CENPP: variants seen among roughly 807,000 people sequenced by gnomAD.
CENPP encodes the protein centromere protein P.
A neutral mutation model predicts 35.6 loss-of-function variants in CENPP; 24 were observed. The ratio of observed to expected loss-of-function variants is 0.67; its 90% CI spans 0.49 to 0.95. The LOEUF is 0.95. Ranked by LOEUF, CENPP falls within the 40% of genes least tolerant of loss-of-function variation. The probability of loss-of-function intolerance (pLI) is 0.00; values close to 1 mark genes in which losing one functional copy is unlikely to be tolerated. For missense variants in CENPP, 332 were observed against 345.3 expected (o/e 0.96, Z 0.31); for synonymous variants, 120 against 125.5 (o/e 0.96, Z 0.29).
intron 5 of CENPP, among the ~76,000 whole-genome samples, chr9:92,580,390 C>T (rs1487891098): frequency 6.6e-6 from 1 of 152,134 alleles, no homozygotes; most frequent in African/African-American, 2.4e-5. Flanking sequence ...CCAGTTCCTC[C>T]TTGTAGCTCT....
chr9:92,429,102 ACTGT>A (rs1844039699), intron 5 of CENPP, among the ~76,000 whole-genome samples: 1 of 152,112 alleles, frequency 6.6e-6, no homozygotes, highest in South Asian at 2.1e-4. Flanking sequence ...ATGTCCCCAA[ACTGT>A]CTGTCAATAG....
intron 5 of CENPP, among the ~76,000 whole-genome samples, chr9:92,430,127 T>C (rs1844067641): frequency 2.0e-5 from 3 of 152,210 alleles, no homozygotes; most frequent in African/African-American, 4.8e-5. Flanking sequence ...AATCTTTTAA[T>C]GATCTGGTGG....
intron 5 of CENPP, among the ~76,000 whole-genome samples, chr9:92,401,985 G>A (rs1843134429): frequency 6.6e-6 from 1 of 152,010 alleles, no homozygotes; most frequent in South Asian, 2.1e-4. Context: ...TCTACTCTGT[G>A]TTTGCACATC....
In CENPP at chr9:92,615,051, C is replaced by A. The variant is rs1280563221; in HGVS notation, c.*1902C>A. 1 of 152,306 alleles carries A rather than the reference C, an allele frequency of 6.6e-6. No individual in the cohort carries two copies. The highest frequency in any genetic ancestry group is 2.4e-5 in the African/African-American group (1 of 41,440). The allele number at this position is 152,306 out of a possible 1,614,324, so 9.4% of individuals were successfully genotyped here. ...GGCACACTGCCCAGCCCGGCCACAGCAGCTCAGCCAGTCACAGCTCCACCT... is the reference window on the plus strand; with the variant it reads ...GGCACACTGCCCAGCCCGGCCACAGAAGCTCAGCCAGTCACAGCTCCACCT... On this transcript the variant is annotated 3_prime_UTR_variant, in exon 8 of 8. Transcript: ENST00000375587.
chr9:92,416,555 T>A, intron 5 of CENPP: 1 of 1,061,048 alleles, frequency 9.4e-7, no homozygotes, highest in South Asian at 1.8e-5. Context: ...ATTGAATATT[T>A]TTTTCTTTAA....
intron 5 of CENPP, chr9:92,495,446 A>G: frequency 1.0e-6 from 1 of 985,300 alleles, no homozygotes; most frequent in Non-Finnish European, 1.2e-6. Context: ...TGCTATGACC[A>G]GTGGTGCAAA....
At chr9:92,327,400 T>C (rs1159853518) in intron 1 of CENPP, among the ~76,000 whole-genome samples, 9 of 151,874 alleles carry the variant, frequency 5.9e-5, no homozygotes, top group Non-Finnish European at 1.3e-4. Flanking sequence ...GGAGGAGGGG[T>C]TGGGGCAGGG....
chr9:92,466,518 T>G (rs1845319381), intron 5 of CENPP: 11 of 1,614,098 alleles, frequency 6.8e-6, no homozygotes, highest in Non-Finnish European at 9.3e-6. Flanking sequence ...TCTTTGTGGT[T>G]AGAAAGGCTT....
chr9:92,493,969 C>G, intron 5 of CENPP: 1 of 943,718 alleles, frequency 1.1e-6, no homozygotes, highest in Non-Finnish European at 1.6e-6. Flanking sequence ...TGAGGGTGGC[C>G]GTAGTCTCCT....
intron 3 of CENPP, among the ~76,000 whole-genome samples, chr9:92,344,162 C>T (rs570048804): frequency 6.6e-6 from 1 of 152,092 alleles, no homozygotes; most frequent in East Asian, 1.9e-4. Flanking sequence ...TATTTACCAA[C>T]TGGGGAGAAT....
intron 5 of CENPP, among the ~76,000 whole-genome samples, chr9:92,588,272 A>G (rs1303244946): frequency 5.3e-5 from 8 of 151,678 alleles, no homozygotes; most frequent in African/African-American, 1.9e-4. Context: ...TTTTTGAGAC[A>G]GAGTCTCGCT....
In CENPP at chr9:92,422,000, T is replaced by G. The variant is rs373753827; in HGVS notation, c.564+42141T>G. 2.1e-4 allele frequency among the ~76,000 whole-genome samples: 32 copies of G among 152,232 alleles called. No individual in the cohort carries two copies. The East Asian group carries it at 3.9e-3, about 18-fold the overall frequency. ...TACATTTTATACTCATTGATGATAT[T>G]TTATGTATAATTTTATAATATTTTA... On this transcript the variant is annotated intron_variant, in intron 5 of 7. Coordinates refer to ENST00000375587, the MANE Select transcript of CENPP (RefSeq NM_001012267.3).
At chr9:92,337,087 G>A (rs1247492406) in intron 2 of CENPP, among the ~76,000 whole-genome samples, 2 of 152,246 alleles carry the variant, frequency 1.3e-5, no homozygotes, top group East Asian at 1.9e-4. Flanking sequence ...GGAGGCCGAG[G>A]TGGGTGGATC....
chr9:92,565,673 G>A (rs773867113), intron 5 of CENPP, among the ~76,000 whole-genome samples: 13 of 152,152 alleles, frequency 8.5e-5, no homozygotes, highest in Non-Finnish European at 1.9e-4. Context: ...GGATGTAAAC[G>A]GCTAGCACCC....
rs565773351 is a variant in CENPP at position 92,435,267 on chromosome 9, A to G, written c.564+55408A>G. On this transcript the variant is annotated intron_variant, in intron 5 of 7. Coordinates refer to ENST00000375587, the MANE Select transcript of CENPP (RefSeq NM_001012267.3). ...TAAAAATACTGTCTGACCATTTTAT[A>G]AAACCATTCTCAAGTGGGCCCTGGT... Among the ~76,000 whole-genome samples, 21 of 152,284 alleles carry G rather than the reference A, an allele frequency of 1.4e-4. No individual in the cohort carries two copies. In the South Asian group the frequency reaches 4.4e-3, roughly 32 times the overall value.
intron 5 of CENPP, among the ~76,000 whole-genome samples, chr9:92,499,443 A>G (rs1247029560): frequency 6.6e-6 from 1 of 152,218 alleles, no homozygotes; most frequent in African/African-American, 2.4e-5. Context: ...GTTACCTCTA[A>G]TGAAATAAGA....
At chr9:92,445,049 G>A (rs998814199) in intron 5 of CENPP, among the ~76,000 whole-genome samples, 7 of 152,126 alleles carry the variant, frequency 4.6e-5, no homozygotes, top group African/African-American at 1.7e-4. Context: ...GGGGATGGGC[G>A]TCCCTGTTCA....
intron 5 of CENPP, among the ~76,000 whole-genome samples, chr9:92,431,085 C>T (rs1025921115): frequency 1.3e-5 from 2 of 152,122 alleles, no homozygotes; most frequent in Non-Finnish European, 2.9e-5. Context: ...TGAGCCACTG[C>T]GCCTGGCCAG....
chr9:92,552,127 T>G (rs557976174), intron 5 of CENPP, among the ~76,000 whole-genome samples: 8 of 145,630 alleles, frequency 5.5e-5, no homozygotes, highest in Non-Finnish European at 1.1e-4. Context: ...ATATGATAGA[T>G]CTATCATATA....
Sources: gnomAD v4.1 joint callset for allele counts (sites outside exome capture counted in the v4.1 genomes callset) on GRCh38, gnomAD v4.1.1 for gene constraint, MANE v1.5 for transcripts, NCBI Gene and HGNC (gene_info 2026-07-23, HGNC 2026-07-21) for gene names.